The following PLCB1 variants were observed in gnomAD, a reference collection of about 807,000 sequenced individuals.
PLCB1 encodes the protein phospholipase C beta 1.
In PLCB1, 46 loss-of-function variants were observed where a neutral mutation model predicts 161.8. The ratio of observed to expected loss-of-function variants is 0.28; its 90% confidence interval spans 0.22 to 0.36. PLCB1 has a LOEUF of 0.36. Ranked by LOEUF, PLCB1 falls within the 10% of genes least tolerant of loss-of-function variation. The pLI, the probability that PLCB1 is intolerant of heterozygous loss-of-function variation, is 1.00. For synonymous variants in PLCB1, 517 were observed against 503.7 expected (o/e 1.03, Z -0.35); for missense variants, 1,016 against 1,472.5 (o/e 0.69, Z 5.07).
intron 3 of PLCB1, among the ~76,000 whole-genome samples, chr20:8,593,973 C>G (rs773099398): frequency 2.2e-4 from 33 of 152,160 alleles, no homozygotes; most frequent in Non-Finnish European, 4.1e-4. Flanking sequence ...CAGCCTCAAC[C>G]TCCTGGGCTC....
intron 2 of PLCB1, among the ~76,000 whole-genome samples, chr20:8,185,891 T>C (rs1333941236): frequency 6.6e-6 from 1 of 152,180 alleles, no homozygotes; most frequent in Non-Finnish European, 1.5e-5. Flanking sequence ...GAATGTTCTG[T>C]TTCCTAAATT....
chr20:8,142,108 T>A (rs1300348664), intron 1 of PLCB1, among the ~76,000 whole-genome samples: 1 of 152,172 alleles, frequency 6.6e-6, no homozygotes, highest in Non-Finnish European at 1.5e-5. Context: ...CATTATTATT[T>A]TTTTCCCTAG....
chr20:8,174,977 G>A (rs896789444), intron 2 of PLCB1, among the ~76,000 whole-genome samples: 2 of 152,148 alleles, frequency 1.3e-5, no homozygotes, highest in Admixed American at 6.5e-5. Context: ...GCTGAGGCAG[G>A]AAGATGACTT....
intron 3 of PLCB1, among the ~76,000 whole-genome samples, chr20:8,618,221 A>G (rs1482798993): frequency 6.6e-6 from 1 of 152,324 alleles, no homozygotes; most frequent in South Asian, 2.1e-4. Flanking sequence ...GAACAAAAGG[A>G]AAAAATAATT....
intron 3 of PLCB1, among the ~76,000 whole-genome samples, chr20:8,441,036 C>G (rs1600402354): frequency 6.6e-6 from 1 of 152,134 alleles, no homozygotes; most frequent in South Asian, 2.1e-4. Flanking sequence ...AAACTTTACT[C>G]TCGTCATTCA....
At chr20:8,189,338 T>A (rs1432517035) in intron 2 of PLCB1, among the ~76,000 whole-genome samples, 1 of 139,732 alleles carries the variant, frequency 7.2e-6, no homozygotes, top group Non-Finnish European at 1.6e-5. Context: ...TATATATATA[T>A]ATAAAACATA....
chr20:8,757,374 A>T (rs1433907077), intron 24 of PLCB1, among the ~76,000 whole-genome samples, 196 bp downstream of exon 24: 1 of 152,210 alleles, frequency 6.6e-6, no homozygotes, highest in African/African-American at 2.4e-5. Flanking sequence ...GGCTCTACAG[A>T]TAACTTATGA....
chr20:8,846,817 T>C (rs1433903166), intron 31 of PLCB1, among the ~76,000 whole-genome samples: 2 of 152,122 alleles, frequency 1.3e-5, no homozygotes, highest in African/African-American at 4.8e-5. Context: ...CCATACATGG[T>C]CCATACAAAA....
chr20:8,517,921 C>T (rs1319813816), intron 3 of PLCB1, among the ~76,000 whole-genome samples: 2 of 152,290 alleles, frequency 1.3e-5, no homozygotes, highest in South Asian at 4.2e-4. Flanking sequence ...TGGTGGCTCA[C>T]ACCTGTAATC....
At chr20:8,237,785 A>G (rs1980402255) in intron 2 of PLCB1, among the ~76,000 whole-genome samples, 1 of 152,092 alleles carries the variant, frequency 6.6e-6, no homozygotes, top group African/African-American at 2.4e-5. Context: ...TAATTAGCTA[A>G]CTAATTACGT....
At chr20:8,819,407 A>G (rs549779228) in intron 31 of PLCB1, among the ~76,000 whole-genome samples, 1 of 152,276 alleles carries the variant, frequency 6.6e-6, no homozygotes, top group South Asian at 2.1e-4. Flanking sequence ...AAAACTATAA[A>G]TCTTTAGAAT....
At chr20:8,535,202 CAAAAAA>C (rs11323420) in intron 3 of PLCB1, among the ~76,000 whole-genome samples, 8 of 52,804 alleles carry the variant, frequency 1.5e-4, no homozygotes, top group Admixed American at 3.1e-4. Flanking sequence ...AGTTTATGGG[CAAAAAA>C]AAAAAAAAAA....
chr20:8,735,267 T>A (rs1980519991), intron 19 of PLCB1, among the ~76,000 whole-genome samples: 1 of 152,210 alleles, frequency 6.6e-6, no homozygotes, highest in Non-Finnish European at 1.5e-5. Flanking sequence ...TTTTTTGTCT[T>A]GAAAATCCTA....
At chr20:8,528,833 GA>G (rs1289468296) in intron 3 of PLCB1, among the ~76,000 whole-genome samples, 1 of 151,764 alleles carries the variant, frequency 6.6e-6, no homozygotes, top group Non-Finnish European at 1.5e-5. Flanking sequence ...AACAAGGGGC[GA>G]AAAGTGCTGC....
Position 8,190,231 on chromosome 20 carries a change from C to G in PLCB1, c.177+39860C>G, listed in dbSNP as rs975400490. The stretch of plus-strand genomic sequence containing the variant: ...TGTTCATGGTATACATTCCTAATGC[C>G]CTTTTTGTGAAACCTGGTTAATAAT... On this transcript the variant is annotated intron_variant, in intron 2 of 31. Coordinates refer to ENST00000338037, the MANE Select transcript of PLCB1 (RefSeq NM_015192.4). 2.6e-5 allele frequency among the ~76,000 whole-genome samples: 4 copies of G among 151,948 alleles called. No individual in the cohort carries two copies. The East Asian group carries it at 7.7e-4, about 29-fold the overall frequency.
chr20:8,401,407 C>T (rs1978546232), intron 3 of PLCB1, among the ~76,000 whole-genome samples: 1 of 152,142 alleles, frequency 6.6e-6, no homozygotes, highest in African/African-American at 2.4e-5. Flanking sequence ...AATAACTATT[C>T]TAAAATAATA....
chr20:8,798,531 C>T (rs1984136093), intron 31 of PLCB1, among the ~76,000 whole-genome samples: 1 of 151,886 alleles, frequency 6.6e-6, no homozygotes, highest in African/African-American at 2.4e-5. Context: ...GAGTAACCAG[C>T]AGAAGCTGAG....
intron 26 of PLCB1, among the ~76,000 whole-genome samples, chr20:8,772,642 G>T (rs1420198092): frequency 6.6e-6 from 1 of 152,154 alleles, no homozygotes; most frequent in Non-Finnish European, 1.5e-5. Context: ...TGCTATATAA[G>T]ATCATTCAGG....
At chr20:8,661,393 G>A (rs1392518678) in intron 9 of PLCB1, among the ~76,000 whole-genome samples, 1 of 152,070 alleles carries the variant, frequency 6.6e-6, no homozygotes, top group Non-Finnish European at 1.5e-5. Context: ...CAGAGGCTTT[G>A]GAGTCCAACG....
Sources: allele counts gnomAD v4.1 joint callset (sites outside exome capture counted in the v4.1 genomes callset), GRCh38; gene constraint gnomAD v4.1.1; transcripts MANE v1.5; gene names NCBI Gene and HGNC (gene_info 2026-07-23, HGNC 2026-07-21).